MYO15A: variants seen among roughly 807,000 people sequenced by gnomAD.
MYO15A encodes myosin XVA.
A neutral mutation model predicts 394.6 loss-of-function variants in MYO15A; 308 were observed. That is an observed-to-expected ratio of 0.78 (90% CI 0.71 to 0.86). The LOEUF is 0.86. Ranked by LOEUF, MYO15A falls within the 40% of genes least tolerant of loss-of-function variation. MYO15A has a pLI of 0.00. For missense variants in MYO15A, 4,606 were observed against 4,799.1 expected, an observed-to-expected ratio of 0.96 and a Z score of 1.19; for synonymous variants, 1,957 against 2,003.8, an observed-to-expected ratio of 0.98 and a Z score of 0.62.
chr17:18,121,664 G>T lies in MYO15A; in HGVS notation c.2864G>T (p.Arg955Met), dbSNP rs772344562. The T allele has an allele frequency of 1.3e-6, 2 of 1,521,492 alleles. No individual in the cohort carries two copies. Among genetic ancestry groups the T allele is most frequent in the African/African-American group, 1.4e-5 (1 of 70,334 alleles). The allele number at this position is 1,521,492 out of a possible 1,614,324, so 94.2% of individuals were successfully genotyped here. Residue 955 changes from arginine (R) to methionine (M), a missense_variant, in exon 2 of 66, where the codon AGG becomes ATG. By Grantham distance (91) the Arg-to-Met change is moderately conservative. Transcript: ENST00000647165. This position sits in a 1 kb window ranked among gnomAD's most constrained non-coding sequence, Gnocchi z 5.3. ...GGAGSRRGFSRPPPVPENPFL... is the reference protein window; with the variant it reads ...GGAGSRRGFSMPPPVPENPFL... Reference sequence around the variant, plus strand: ...GCAGGCAGCCGCCGAGGCTTTTCCAGGCCACCCCCTGTGCCGGAAAACCCC... The same window carrying T: ...GCAGGCAGCCGCCGAGGCTTTTCCATGCCACCCCCTGTGCCGGAAAACCCC...
intron 19 of MYO15A, 54 bp downstream of exon 19, chr17:18,139,665 C>A: frequency 3.1e-6 from 5 of 1,588,454 alleles, no homozygotes; most frequent in Non-Finnish European, 3.4e-6. Context: ...TCCCCACCCC[C>A]ACACCCAGCC....
intron 2 of MYO15A, chr17:18,124,253 A>T (rs957119969): frequency 3.3e-6 from 2 of 606,888 alleles, no homozygotes; most frequent in Non-Finnish European, 6.1e-6. Context: ...TTGGGAGCTC[A>T]TGGGAGGGCC....
At position 18,119,048 on chromosome 17, in the gene MYO15A, C is replaced by G; in HGVS notation, c.248C>G (p.Thr83Arg). 2 of 1,612,472 alleles carry G rather than the reference C, an allele frequency of 1.2e-6. No individual in the cohort carries two copies. Among genetic ancestry groups the G allele is most frequent in the Non-Finnish European group, 1.7e-6 (2 of 1,179,840 alleles). Residue 83 changes from threonine (T) to arginine (R), a missense_variant, in exon 2 of 66, where the codon ACG becomes AGG. Physicochemically the swap from Thr to Arg is moderately conservative, Grantham distance 71. This residue lies in a region of MYO15A where 1,830 missense variants were observed against 1,689.7 expected (regional missense o/e 1.08). Coordinates refer to ENST00000647165, the MANE Select transcript of MYO15A (RefSeq NM_016239.4). ...KRKARTVLKS[T>R]SKLMTQMRMG... is the part of the protein sequence containing the mutation. ...AAGGCCCGCACCGTGCTCAAGTCCA[C>G]GTCAAAGCTCATGACGCAGATGCGC... is the stretch of plus-strand genomic sequence containing the variant.
At chr17:18,109,164 C>T (rs1189795593) in intron 1 of MYO15A, 1 of 152,338 alleles carries the variant, frequency 6.6e-6, no homozygotes, top group African/African-American at 2.4e-5. Context: ...GGCTCTGGGC[C>T]CAGGGTGAGG....
intron 6 of MYO15A, 23 bp downstream of exon 6, chr17:18,126,888 G>A (rs766397682): frequency 4.8e-5 from 78 of 1,613,090 alleles, no homozygotes; most frequent in South Asian, 1.5e-4. Flanking sequence ...CCTTTATGTG[G>A]GGGATAAATG....
Position 18,144,458 on chromosome 17 carries a change from T to TC in MYO15A, c.6178-37dup, listed in dbSNP as rs11421904. 1,152,437 of 1,570,822 alleles carry TC rather than the reference T, an allele frequency of 0.73. 425,851 individuals are homozygous for TC. The highest frequency in any genetic ancestry group is 0.81 in the African/African-American group (59,699 of 74,116). On this transcript the variant is annotated intron_variant, in intron 28 of 65. Coordinates refer to ENST00000647165, the MANE Select transcript of MYO15A (RefSeq NM_016239.4). ...CAGTGGGTCCAGATGTGCCTGTCAG[T>TC]CCAGCTCTGTCTGCTCATGTGCCTG...
Position 18,155,376 on chromosome 17 carries a change from G to A in MYO15A, c.8403G>A (p.Arg2801=), listed in dbSNP as rs750190736. The change falls in exon 47 of 66, where the codon AGG becomes AGA. Residue 2801 remains arginine (R), a synonymous_variant. Transcript: ENST00000647165. ...AVSHVGIKLL[R]MVKGGQEAGG... ...CCCACGTGGGCATCAAACTCCTGAG[G>A]ATGGTCAAGGGTGGCCAGGAGGCCG... 2.5e-6 allele frequency: 4 copies of A among 1,613,784 alleles called. No homozygotes were observed. The highest frequency in any genetic ancestry group is 4.5e-5 in the East Asian group (2 of 44,886).
rs1213371923 is a variant in MYO15A at position 18,150,880 on chromosome 17, CCT to C, written c.7441_7442del (p.Leu2481GlufsTer86). On this transcript the variant is annotated frameshift_variant, in exon 38 of 66. Transcript: ENST00000647165. LOFTEE classifies it high-confidence loss of function. The surrounding 1 kb of genome is among the most constrained non-coding windows in gnomAD (Gnocchi z 4.4). ...AGGCCACGGCACTCCAGCAGCAGCC[CCT>C]GAGTGCTGCCCTGAGATCCTTGCCC... is the stretch of plus-strand genomic sequence containing the variant. ...LQATALQQQP[L>X]SAALRSLPAE... is the part of the protein sequence containing the mutation. 15 of 1,598,714 alleles carry C rather than the reference CCT, an allele frequency of 9.4e-6. No homozygotes were observed. The Admixed American group carries it at 1.7e-4, about 19-fold the overall frequency.
chr17:18,157,448 G>A, intron 50 of MYO15A: 1 of 906,420 alleles, frequency 1.1e-6, no homozygotes. Context: ...CATGTTTGTG[G>A]CCTGAATCTC....
chr17:18,163,749 T>G lies in MYO15A; in HGVS notation c.9698T>G (p.Leu3233Arg), dbSNP rs747239979. The change falls in exon 60 of 66, where the codon CTG becomes CGG. Residue 3233 changes from leucine (L) to arginine (R), a missense_variant. Leu to Arg is a moderately radical substitution (Grantham distance 102, BLOSUM62 -2). Transcript: ENST00000647165. The stretch of plus-strand genomic sequence containing the variant: ...CTTCCGCCCCACCCCCAGGTGGCCC[T>G]GGACGTGGTGGAAGAGATATGTGCT... ...HLKIKTCTVA[L>R]DVVEEICAEM... The G allele has an allele frequency of 2.4e-5, 39 of 1,613,156 alleles. No homozygotes were observed. The highest frequency in any genetic ancestry group is 3.3e-4 in the Middle Eastern group (2 of 6,062).
rs1567617445 is a variant in MYO15A, at chr17:18,118,783, A to G, written c.-18A>G. 1 of 1,608,104 alleles carries G rather than the reference A, an allele frequency of 6.2e-7. No individual in the cohort carries two copies. Among genetic ancestry groups the G allele is most frequent in the Non-Finnish European group, 8.5e-7 (1 of 1,177,636 alleles). ...CCGTGACACCGGCCCCAGGCCCTGT[A>G]GAGAGCAGGCAGCCACCATGGCGAA... On this transcript the variant is annotated 5_prime_UTR_variant, in exon 2 of 66. Transcript: ENST00000647165.
chr17:18,137,479 C>T (rs1245805493), intron 15 of MYO15A, 105 bp from the exon 16 acceptor site: 3 of 913,254 alleles, frequency 3.3e-6, no homozygotes, highest in South Asian at 1.4e-5. Context: ...AGCTGAGGGC[C>T]TGTGGCTGAG....
rs1156420060 is a variant in MYO15A at position 18,162,625 on chromosome 17, GC to G, written c.9559del (p.Arg3187AlafsTer12). The G allele has an allele frequency of 6.2e-7, 1 of 1,613,976 alleles. No homozygotes were observed. The highest frequency in any genetic ancestry group is 8.5e-7 in the Non-Finnish European group (1 of 1,180,008). On this transcript the variant is annotated frameshift_variant, in exon 58 of 66. Transcript: ENST00000647165. LOFTEE classifies it high-confidence loss of function. The part of the protein sequence containing the change: ...ACEQNLQKTL[R>X]FGGRLELPSS... The stretch of plus-strand genomic sequence containing the variant: ...GCGAGCAGAACCTGCAGAAAACCTT[GC>G]GCTTCGGAGGTCGTCTGGAGCTCCC...
intron 61 of MYO15A, among the ~76,000 whole-genome samples, chr17:18,167,011 A>C (rs965466403): frequency 2.6e-5 from 4 of 152,178 alleles, no homozygotes; most frequent in Admixed American, 2.0e-4. Flanking sequence ...AAGTGCTTGG[A>C]CAGAAAGTGT....
chr17:18,121,099 A>T lies in MYO15A; in HGVS notation c.2299A>T (p.Arg767Trp). 6.7e-7 allele frequency: 1 copy of T among 1,502,320 alleles called. No individual in the cohort carries two copies. Among genetic ancestry groups the T allele is most frequent in the Non-Finnish European group, 8.8e-7 (1 of 1,130,026 alleles). 93.1% of individuals were successfully genotyped at this position (1,502,320 alleles called of 1,614,324 possible). A position where few individuals can be genotyped will look rare whatever the true frequency, so the allele number is the denominator to read the frequency against. Residue 767 changes from arginine (R) to tryptophan (W), a missense_variant, in exon 2 of 66, where the codon AGG becomes TGG. This residue lies in a region of MYO15A where 1,830 missense variants were observed against 1,689.7 expected (regional missense o/e 1.08). Coordinates refer to ENST00000647165, the MANE Select transcript of MYO15A (RefSeq NM_016239.4). This position sits in a 1 kb window ranked among gnomAD's most constrained non-coding sequence, Gnocchi z 5.3. ...CGGGGCCTCTCCACGGGCGTCGCGGAGGCGAGCTTGGTCACCGCTGGCCTC... is the reference window on the plus strand; with the variant it reads ...CGGGGCCTCTCCACGGGCGTCGCGGTGGCGAGCTTGGTCACCGCTGGCCTC... Reference protein sequence around the residue: ...FPGASPRASRRRAWSPLASPQ... With the variant: ...FPGASPRASRWRAWSPLASPQ...
intron 11 of MYO15A, 76 bp from the exon 12 acceptor site, chr17:18,133,149 T>C: frequency 6.7e-7 from 1 of 1,501,190 alleles, no homozygotes; most frequent in Non-Finnish European, 9.1e-7. Flanking sequence ...ACACTACTGG[T>C]CAGGGCAGAG....
At chr17:18,158,379 G>A in intron 51 of MYO15A, 144 bp from the exon 52 acceptor site, 1 of 676,476 alleles carries the variant, frequency 1.5e-6, no homozygotes, top group Non-Finnish European at 2.6e-6. Context: ...AGAACAACGG[G>A]ATGCGGGTGG....
At position 18,154,706 on chromosome 17, in the gene MYO15A, C is replaced by G; in HGVS notation, c.8175C>G (p.Ala2725=). 9.9e-6 allele frequency: 16 copies of G among 1,613,792 alleles called. No individual in the cohort carries two copies. Among genetic ancestry groups the G allele is most frequent in the Non-Finnish European group, 1.4e-5 (16 of 1,180,026 alleles). Residue 2725 remains alanine, a synonymous_variant, in exon 45 of 66, where the codon GCC becomes GCG. Transcript: ENST00000647165. ...TCCTGCACGACACGCTCTCCGAGGC[C>G]TGCCTTCGCATCTCTGAGGATGAGA... ...RQILHDTLSE[A]CLRISEDERL... is the part of the protein sequence containing the mutation.
chr17:18,170,578 C>T (rs1057513852), intron 62 of MYO15A, among the ~76,000 whole-genome samples: 2 of 151,796 alleles, frequency 1.3e-5, no homozygotes, highest in African/African-American at 4.8e-5. Context: ...AGACTGGTCT[C>T]GAACTCTTGG....
Sources: allele counts gnomAD v4.1 joint callset (sites outside exome capture counted in the v4.1 genomes callset), GRCh38; gene constraint gnomAD v4.1.1; regional missense constraint gnomAD v4.1.1; non-coding constraint Gnocchi (gnomAD v3.1); transcripts MANE v1.5; gene names NCBI Gene and HGNC (gene_info 2026-07-23, HGNC 2026-07-21).